The following ZPBP variants were observed in gnomAD, a reference collection of about 807,000 sequenced individuals.
ZPBP encodes the protein zona pellucida binding protein.
ZPBP carries 26 observed loss-of-function variants against 44.8 expected under a neutral mutation model. The observed-to-expected ratio is 0.58, with a 90% CI of 0.43 to 0.81. ZPBP has a LOEUF of 0.81. Among genes scored for constraint, ZPBP ranks in the 30% least tolerant of loss-of-function variants. The probability of loss-of-function intolerance (pLI) is 0.00; values close to 1 mark genes in which losing one functional copy is unlikely to be tolerated. For missense variants in ZPBP, 409 were observed against 434.0 expected, an observed-to-expected ratio of 0.94 and a Z score of 0.51; for synonymous variants, 174 against 153.2, an observed-to-expected ratio of 1.14 and a Z score of -1.00.
At chr7:49,961,019 T>G (rs140824715) in intron 7 of ZPBP, among the ~76,000 whole-genome samples, 3,109 of 152,218 alleles carry the variant, frequency 0.02, 259 homozygotes, top group Admixed American at 0.15. Flanking sequence ...TGGATACAAT[T>G]GGCTTACAAA....
At chr7:49,900,750 A>G (rs1368641577) in intron 2 of ZPBP, among the ~76,000 whole-genome samples, 1 of 151,846 alleles carries the variant, frequency 6.6e-6, no homozygotes, top group Non-Finnish European at 1.5e-5. Flanking sequence ...ACTGATATCA[A>G]TATTTTACAA....
intron 5 of ZPBP, among the ~76,000 whole-genome samples, chr7:50,027,502 A>G (rs1799391869): frequency 6.6e-6 from 1 of 152,116 alleles, no homozygotes; most frequent in African/African-American, 2.4e-5. Flanking sequence ...GGGTGTAAAC[A>G]CCTATACTTA....
intron 7 of ZPBP, among the ~76,000 whole-genome samples, chr7:49,955,963 A>G (rs567057866): frequency 1.2e-4 from 19 of 152,324 alleles, no homozygotes; most frequent in African/African-American, 4.6e-4. Flanking sequence ...CCACTGAATT[A>G]TAATTAAAAT....
chr7:49,997,890 T>C (rs1006297189), intron 6 of ZPBP, among the ~76,000 whole-genome samples: 6 of 148,460 alleles, frequency 4.0e-5, no homozygotes, highest in Non-Finnish European at 8.9e-5. Context: ...CCATTCTTTC[T>C]CAATTAAATG....
At chr7:49,930,006 G>A (rs997859441) in intron 1 of ZPBP, among the ~76,000 whole-genome samples, 1 of 152,138 alleles carries the variant, frequency 6.6e-6, no homozygotes, top group Non-Finnish European at 1.5e-5. Context: ...CTCCCTTATA[G>A]TATCAGGTAA....
intron 1 of ZPBP, chr7:49,914,320 G>A (rs1286176173): frequency 6.6e-6 from 1 of 152,230 alleles, no homozygotes; most frequent in Non-Finnish European, 1.5e-5. Flanking sequence ...TTTCAATGCT[G>A]TGAGAATTTC....
chr7:49,860,301 C>A (rs1191287725), intron 2 of ZPBP, among the ~76,000 whole-genome samples: 1 of 152,138 alleles, frequency 6.6e-6, no homozygotes, highest in Non-Finnish European at 1.5e-5. Context: ...TAATTTATGT[C>A]TCTAAAAATT....
At chr7:49,932,614 T>G (rs1794485564), downstream of ZPBP, among the ~76,000 whole-genome samples, 1 of 152,160 alleles carries the variant, frequency 6.6e-6, no homozygotes, top group South Asian at 2.1e-4. Context: ...TTGCCTTGTC[T>G]CAGATTGAGT....
At chr7:49,935,450 G>A (rs1794587917), downstream of ZPBP, among the ~76,000 whole-genome samples, 1 of 151,798 alleles carries the variant, frequency 6.6e-6, no homozygotes, top group Non-Finnish European at 1.5e-5. Context: ...CCAACCTGGA[G>A]TGCAGTGGCG....
At chr7:50,004,388 C>A (rs887371035) in intron 6 of ZPBP, among the ~76,000 whole-genome samples, 2 of 152,066 alleles carry the variant, frequency 1.3e-5, no homozygotes, top group Non-Finnish European at 1.5e-5. Flanking sequence ...AGACTGAGGG[C>A]TACATTGTAG....
intron 1 of ZPBP, among the ~76,000 whole-genome samples, chr7:50,091,764 A>G (rs146648293): frequency 0.019 from 2,931 of 152,308 alleles, 251 homozygotes; most frequent in Admixed American, 0.14. Context: ...AGCAAATGTG[A>G]TGGGCATAAT....
chr7:50,085,964 G>A (rs1319668765), intron 2 of ZPBP, among the ~76,000 whole-genome samples: 3 of 152,156 alleles, frequency 2.0e-5, no homozygotes, highest in Admixed American at 6.5e-5. Context: ...GGTTCTGCAC[G>A]GCATAAAGTG....
chr7:50,026,381 G>A (rs1196742142), intron 5 of ZPBP, among the ~76,000 whole-genome samples: 1 of 151,656 alleles, frequency 6.6e-6, no homozygotes, highest in African/African-American at 2.4e-5. Flanking sequence ...GAATATAAAA[G>A]GCAGAAGATC....
intron 2 of ZPBP, among the ~76,000 whole-genome samples, chr7:49,878,027 T>C (rs1481581275): frequency 6.6e-6 from 1 of 152,120 alleles, no homozygotes; most frequent in African/African-American, 2.4e-5. Flanking sequence ...TTTATTCAGC[T>C]TTCCTCATCT....
At chr7:49,877,481 A>AAAAAATATAT in intron 2 of ZPBP, among the ~76,000 whole-genome samples, 1 of 12,722 alleles carries the variant, frequency 7.9e-5, no homozygotes, top group African/African-American at 2.8e-4. Context: ...AAAAAAAAAA[A>AAAAAATATAT]ATATATATAT....
intron 3 of ZPBP, among the ~76,000 whole-genome samples, chr7:50,074,491 A>AAC (rs1801990218): frequency 1.3e-5 from 2 of 152,048 alleles, no homozygotes; most frequent in South Asian, 4.1e-4. Flanking sequence ...TAGATGAAAA[A>AAC]ACAAGACCCT....
Position 50,034,004 on chromosome 7 carries a change from T to G in ZPBP, c.488-2694A>C, listed in dbSNP as rs1032197838. ...CACTGTGCCCGGCCTTGCTACAGTT[T>G]ATATAACTAATCAAGCCAACTATAA... On this transcript the variant is annotated intron_variant, in intron 4 of 7. Coordinates refer to ENST00000046087, the MANE Select transcript of ZPBP (RefSeq NM_007009.3). 1.1e-3 allele frequency among the ~76,000 whole-genome samples: 161 copies of G among 152,138 alleles called. 2 individuals carry two copies. Among genetic ancestry groups the G allele is most frequent in the Non-Finnish European group, 2.5e-4 (17 of 68,028 alleles).
intron 2 of ZPBP, among the ~76,000 whole-genome samples, chr7:50,086,723 C>T (rs1802670897): frequency 6.6e-6 from 1 of 151,756 alleles, no homozygotes. Flanking sequence ...TTAAGCATAT[C>T]AATGTATGCA....
At chr7:50,072,585 A>G (rs1801900410) in intron 3 of ZPBP, among the ~76,000 whole-genome samples, 1 of 152,220 alleles carries the variant, frequency 6.6e-6, no homozygotes, top group Non-Finnish European at 1.5e-5. Context: ...TGGTAGCCAC[A>G]GGGATGCTAT....
Sources: allele counts gnomAD v4.1 joint callset (sites outside exome capture counted in the v4.1 genomes callset), GRCh38; gene constraint gnomAD v4.1.1; transcripts MANE v1.5; gene names NCBI Gene and HGNC (gene_info 2026-07-23, HGNC 2026-07-21).